Variants in TMPRSS9 observed in about 807,000 individuals in gnomAD.
The protein encoded by TMPRSS9 is transmembrane serine protease 9.
A neutral mutation model predicts 111.4 loss-of-function variants in TMPRSS9; 113 were observed. The ratio of observed to expected loss-of-function variants is 1.01; its 90% CI spans 0.87 to 1.19. The LOEUF is 1.19. TMPRSS9 is among the 50% of genes most tolerant of loss of function. The pLI, the probability that TMPRSS9 is intolerant of heterozygous loss-of-function variation, is 0.00. For synonymous variants in TMPRSS9, 805 were observed against 659.1 expected (o/e 1.22, Z -3.39); for missense variants, 1,803 against 1,513.1 (o/e 1.19, Z -3.18).
chr19:2,378,816 A>G (rs527839220), intron 1 of TMPRSS9, among the ~76,000 whole-genome samples: 30 of 152,304 alleles, frequency 2.0e-4, no homozygotes, highest in African/African-American at 7.2e-4. Flanking sequence ...GAAACTTACA[A>G]TCATGGCGGA....
intron 14 of TMPRSS9, among the ~76,000 whole-genome samples, chr19:2,422,823 G>A (rs1441780472): frequency 1.3e-5 from 2 of 152,110 alleles, no homozygotes; most frequent in Non-Finnish European, 2.9e-5. Flanking sequence ...AGGAGGTGGA[G>A]GTTGCAGTGA....
At chr19:2,361,450 A>ACCCT (rs1347008680) in intron 1 of TMPRSS9, among the ~76,000 whole-genome samples, 1 of 151,426 alleles carries the variant, frequency 6.6e-6, no homozygotes, top group African/African-American at 2.4e-5. Context: ...CCCAGTTCTC[A>ACCCT]CCCTCGGAGC....
chr19:2,370,396 G>C (rs142638063), intron 1 of TMPRSS9, among the ~76,000 whole-genome samples: 3,986 of 148,358 alleles, frequency 0.027, 199 homozygotes, highest in African/African-American at 0.097. Flanking sequence ...ACTCCAGCCT[G>C]GGTGATAGAG....
intron 1 of TMPRSS9, among the ~76,000 whole-genome samples, chr19:2,395,956 C>T (rs140161804): frequency 0.018 from 2,786 of 152,048 alleles, 53 homozygotes; most frequent in African/African-American, 0.046. Context: ...TGCAGTGAGC[C>T]GAGATTGCGC....
At chr19:2,417,569 G>A (rs1375462917) in intron 12 of TMPRSS9, among the ~76,000 whole-genome samples, 1 of 151,810 alleles carries the variant, frequency 6.6e-6, no homozygotes, top group East Asian at 1.9e-4. Context: ...AATCACTTGA[G>A]CCTGGGAGTT....
At position 2,418,157 on chromosome 19, in the gene TMPRSS9, A is replaced by G; in HGVS notation, c.2154+19A>G. 6.3e-7 allele frequency: 1 copy of G among 1,592,142 alleles called. No individual in the cohort carries two copies. Among genetic ancestry groups the G allele is most frequent in the Non-Finnish European group, 8.6e-7 (1 of 1,166,962 alleles). ...CTGCCAGGTAAGCATTCAAAGGGGG[A>G]AAGCGGGCAATATTTCCATGAAATG... is the stretch of plus-strand genomic sequence containing the variant. On this transcript the variant is annotated intron_variant, in intron 13 of 17. Transcript: ENST00000648592.
chr19:2,410,407 T>C lies in TMPRSS9; in HGVS notation c.1254+13T>C, dbSNP rs750780984. The C allele has an allele frequency of 1.9e-6, 3 of 1,613,282 alleles. No homozygotes were observed. Among genetic ancestry groups the C allele is most frequent in the Middle Eastern group, 1.7e-4 (1 of 6,060 alleles). ...GGACTCCTGCCAGGTGAGCCCCCGATGCCCCAGACCCCAGAAAAACACAGA... is the reference window on the plus strand; with the variant it reads ...GGACTCCTGCCAGGTGAGCCCCCGACGCCCCAGACCCCAGAAAAACACAGA... On this transcript the variant is annotated intron_variant, in intron 9 of 17. Coordinates refer to ENST00000648592, the Ensembl canonical transcript of TMPRSS9.
chr19:2,410,859 A>T (rs1401696825), intron 9 of TMPRSS9, among the ~76,000 whole-genome samples: 1 of 152,098 alleles, frequency 6.6e-6, no homozygotes, highest in African/African-American at 2.4e-5. Flanking sequence ...GGCACCCAAG[A>T]AACACCTCTT....
In TMPRSS9 at chr19:2,422,031, C is replaced by T. The variant is rs761871261; in HGVS notation, c.2332C>T (p.Pro778Ser). ...GTCCTCCCAGCCCCTTCCCATGTCT[C>T]CCCCCTCGACCACAAGGATGCTGGC... The change falls in exon 14 of 18, where the codon CCC becomes TCC. Residue 778 changes from proline (P) to serine (S), a missense_variant. Pro to Ser is a moderately conservative substitution (Grantham distance 74). Transcript: ENST00000648592. 6.2e-7 allele frequency: 1 copy of T among 1,612,790 alleles called. No individual in the cohort carries two copies. The highest frequency in any genetic ancestry group is 8.5e-7 in the Non-Finnish European group (1 of 1,179,800).
chr19:2,415,737 G>T (rs1037861152), exon 11 of TMPRSS9: 3 of 1,610,330 alleles, frequency 1.9e-6, no homozygotes, highest in Non-Finnish European at 2.5e-6. Flanking sequence ...CTGCCTCCGG[G>T]GAGGTGCCCT....
Position 2,382,995 on chromosome 19 carries a change from G to A in TMPRSS9, c.-25-6766G>A, listed in dbSNP as rs142124070. Among the ~76,000 whole-genome samples, 146 of 152,246 alleles carry A rather than the reference G, an allele frequency of 9.6e-4. 2 individuals are homozygous for A. The highest frequency in any genetic ancestry group is 3.0e-3 in the African/African-American group (126 of 41,550). ...GGAACCTCAGTCTTTTAAGGCCTTC[G>A]ACTGATTGGGTGAGGCCCACCACAT... On this transcript the variant is annotated intron_variant, in intron 1 of 17. Coordinates refer to the TMPRSS9 transcript ENST00000649857.
chr19:2,425,011 C>T (rs1971574593), exon 16 of TMPRSS9: 1 of 1,534,416 alleles, frequency 6.5e-7, no homozygotes, highest in African/African-American at 1.4e-5. Context: ...GCTACGGGGA[C>T]CCCAAGCAGT....
chr19:2,378,508 AG>A (rs34057082), intron 1 of TMPRSS9, among the ~76,000 whole-genome samples: 10,153 of 152,254 alleles, frequency 0.067, 550 homozygotes, highest in East Asian at 0.28. Flanking sequence ...TCACAAGCCC[AG>A]GAGTTCAAGA....
intron 7 of TMPRSS9, 93 bp from the exon 9 acceptor site, chr19:2,408,263 C>A: frequency 6.4e-6 from 8 of 1,240,872 alleles, no homozygotes; most frequent in Non-Finnish European, 6.9e-6. Flanking sequence ...GGGGGGATAC[C>A]CCTTACATTT....
At chr19:2,385,141 A>AGCTCGCG (rs1568172883), upstream of TMPRSS9, among the ~76,000 whole-genome samples, 1 of 87,526 alleles carries the variant, frequency 1.1e-5, no homozygotes, top group African/African-American at 4.2e-5. Flanking sequence ...CGGAGCTCGC[A>AGCTCGCG]GGGGGCGGAG....
At chr19:2,371,117 C>T (rs1970286505) in intron 1 of TMPRSS9, among the ~76,000 whole-genome samples, 1 of 152,184 alleles carries the variant, frequency 6.6e-6, no homozygotes, top group Non-Finnish European at 1.5e-5. Context: ...ACAGCTCACT[C>T]CTGTTTGAAA....
chr19:2,403,199 A>T lies in TMPRSS9; in HGVS notation c.670+4A>T. On this transcript the variant is annotated splice_donor_region_variant and intron_variant, in intron 6 of 17. Coordinates refer to ENST00000648592, the Ensembl canonical transcript of TMPRSS9. Reference sequence around the variant, plus strand: ...GGGTCCGACGAGGCGCACTGCGGTCAGTCTGCCTGTCTGGCCTGGTCTCTG... The same window carrying T: ...GGGTCCGACGAGGCGCACTGCGGTCTGTCTGCCTGTCTGGCCTGGTCTCTG... The T allele has an allele frequency of 6.2e-7, 1 of 1,601,454 alleles. No individual in the cohort carries two copies. Among genetic ancestry groups the T allele is most frequent in the Non-Finnish European group, 8.5e-7 (1 of 1,175,232 alleles).
chr19:2,411,011 G>A (rs1040628186), intron 9 of TMPRSS9, among the ~76,000 whole-genome samples: 1 of 152,034 alleles, frequency 6.6e-6, no homozygotes, highest in Non-Finnish European at 1.5e-5. Flanking sequence ...ACTCAAGAAG[G>A]TTCCAGGGCT....
intron 1 of TMPRSS9, among the ~76,000 whole-genome samples, chr19:2,383,731 G>A (rs1005050811): frequency 6.7e-6 from 1 of 149,590 alleles, no homozygotes; most frequent in Non-Finnish European, 1.5e-5. Flanking sequence ...TTGAGCCCAG[G>A]AGGTCGAGGC....
Sources: gnomAD v4.1 joint callset for allele counts (sites outside exome capture counted in the v4.1 genomes callset) on GRCh38, gnomAD v4.1.1 for gene constraint, MANE v1.5 for transcripts, NCBI Gene and HGNC (gene_info 2026-07-23, HGNC 2026-07-21) for gene names.